Variants in COX10 observed in about 807,000 individuals in gnomAD.
COX10 encodes the protein protoheme IX farnesyltransferase, mitochondrial.
Under a neutral mutation model 37.3 loss-of-function variants are expected in COX10, and 27 were observed. That is an observed-to-expected ratio of 0.72 (90% CI 0.53 to 1.00). COX10 has a LOEUF of 1.00. Ranked by LOEUF, COX10 falls within the 50% of genes least tolerant of loss-of-function variation. The pLI, the probability that COX10 is intolerant of heterozygous loss-of-function variation, is 0.00. For synonymous variants in COX10, 222 were observed against 229.1 expected, an observed-to-expected ratio of 0.97 and a Z score of 0.28; for missense variants, 475 against 563.2, an observed-to-expected ratio of 0.84 and a Z score of 1.59.
chr17:14,083,585 T>G (rs1915346759), intron 3 of COX10, among the ~76,000 whole-genome samples: 1 of 152,228 alleles, frequency 6.6e-6, no homozygotes, highest in Non-Finnish European at 1.5e-5. Context: ...CATACTTATA[T>G]TTCATCTGTG....
chr17:14,175,977 A>G (rs1905675921), intron 5 of COX10, among the ~76,000 whole-genome samples: 1 of 152,170 alleles, frequency 6.6e-6, no homozygotes, highest in African/African-American at 2.4e-5. Flanking sequence ...GCAGTGGGAG[A>G]AGCCAGAAAT....
chr17:14,135,631 G>A (rs1185319301), intron 4 of COX10, among the ~76,000 whole-genome samples: 3 of 151,924 alleles, frequency 2.0e-5, no homozygotes, highest in Non-Finnish European at 4.4e-5. Flanking sequence ...AAGCAATAGA[G>A]TGTTGATTTT....
At chr17:14,188,541 T>C (rs1906108944) in intron 5 of COX10, among the ~76,000 whole-genome samples, 1 of 151,784 alleles carries the variant, frequency 6.6e-6, no homozygotes, top group Non-Finnish European at 1.5e-5. Context: ...TAAGCAGTGA[T>C]ACCAGCCATT....
intron 4 of COX10, among the ~76,000 whole-genome samples, chr17:14,106,383 T>G (rs1276505675): frequency 6.6e-6 from 1 of 152,218 alleles, no homozygotes; most frequent in Non-Finnish European, 1.5e-5. Flanking sequence ...TTCTCCTTAT[T>G]CGACATTTTA....
chr17:14,141,757 C>G (rs1296772865), intron 4 of COX10, among the ~76,000 whole-genome samples: 3 of 151,792 alleles, frequency 2.0e-5, no homozygotes, highest in African/African-American at 4.8e-5. Flanking sequence ...GTCCATTTAC[C>G]TTTTCATTTG....
At chr17:14,116,845 A>G (rs2142209905) in intron 4 of COX10, among the ~76,000 whole-genome samples, 1 of 152,256 alleles carries the variant, frequency 6.6e-6, no homozygotes, top group Admixed American at 6.5e-5. Flanking sequence ...TCAACACAAC[A>G]TCCAGAGCGA....
intron 4 of COX10, among the ~76,000 whole-genome samples, chr17:14,109,541 G>T (rs1166204078): frequency 6.6e-6 from 1 of 152,146 alleles, no homozygotes. Context: ...ACTCTGTGAG[G>T]TGGCATTATT....
chr17:14,079,333 A>G lies in COX10; in HGVS notation c.499+2277A>G, dbSNP rs559217093. 1.2e-4 allele frequency among the ~76,000 whole-genome samples: 18 copies of G among 152,330 alleles called. No homozygotes were observed. In the South Asian group the frequency reaches 2.9e-3, roughly 25 times the overall value. ...CTGTGGAGGGACTTGAAGTGAATGA[A>G]TATTTACTCGGCAGGGAAGATGAGA... On this transcript the variant is annotated intron_variant, in intron 3 of 6. Coordinates refer to ENST00000261643, the MANE Select transcript of COX10 (RefSeq NM_001303.4).
chr17:14,154,161 T>G (rs1413390073), intron 4 of COX10, among the ~76,000 whole-genome samples: 1 of 152,204 alleles, frequency 6.6e-6, no homozygotes, highest in South Asian at 2.1e-4. Flanking sequence ...AAACATGACA[T>G]AACATTTTGG....
At chr17:14,137,372 G>A (rs978773878) in intron 4 of COX10, among the ~76,000 whole-genome samples, 5 of 151,676 alleles carry the variant, frequency 3.3e-5, no homozygotes, top group Admixed American at 2.6e-4. Context: ...ATTTCCAGAT[G>A]ATATTTAATG....
chr17:14,208,433 G>A lies in COX10; in HGVS notation c.*1220G>A, dbSNP rs1004171830. 6.6e-6 allele frequency: 1 copy of A among 152,200 alleles called. No individual in the cohort carries two copies. The highest frequency in any genetic ancestry group is 1.5e-5 in the Non-Finnish European group (1 of 68,040). The allele number at this position is 152,200 out of a possible 1,614,324, so 9.4% of individuals were successfully genotyped here. ...GGTCCGTAGGGATTCATTGGTCGGGGTGGGAGAGTTAAACAACATTTAAAC... is the reference window on the plus strand; with the variant it reads ...GGTCCGTAGGGATTCATTGGTCGGGATGGGAGAGTTAAACAACATTTAAAC... On this transcript the variant is annotated 3_prime_UTR_variant, in exon 7 of 7. Coordinates refer to ENST00000261643, the MANE Select transcript of COX10 (RefSeq NM_001303.4).
At chr17:14,175,412 A>G (rs1905652943) in intron 5 of COX10, among the ~76,000 whole-genome samples, 2 of 151,784 alleles carry the variant, frequency 1.3e-5, no homozygotes, top group South Asian at 4.2e-4. Flanking sequence ...TGACCATATT[A>G]CTAAACTTCT....
At position 14,158,600 on chromosome 17, in the gene COX10, A is replaced by G. The variant is rs545174083; in HGVS notation, c.625-1277A>G. 1.0e-3 allele frequency among the ~76,000 whole-genome samples: 154 copies of G among 152,248 alleles called. 3 individuals carry two copies. Among genetic ancestry groups the G allele is most frequent in the Non-Finnish European group, 5.1e-4 (35 of 68,030 alleles). ...GAAATGATCCCTGCCACTCAAATCT[A>G]GTCAGACCAGGAATTTCTGAAATCT... On this transcript the variant is annotated intron_variant, in intron 4 of 6. Coordinates refer to ENST00000261643, the MANE Select transcript of COX10 (RefSeq NM_001303.4).
At chr17:14,143,952 G>T (rs1319439017) in intron 4 of COX10, among the ~76,000 whole-genome samples, 2 of 152,288 alleles carry the variant, frequency 1.3e-5, no homozygotes, top group East Asian at 3.9e-4. Flanking sequence ...CAGATACTGT[G>T]TCACTGTAGG....
intron 1 of COX10, among the ~76,000 whole-genome samples, chr17:14,071,343 G>T (rs1201492753): frequency 1.3e-5 from 2 of 152,128 alleles, no homozygotes; most frequent in East Asian, 3.9e-4. Flanking sequence ...TGCAGTGGTG[G>T]TATGGAAGGA....
At chr17:14,128,067 C>G (rs190415115) in intron 4 of COX10, among the ~76,000 whole-genome samples, 33 of 150,992 alleles carry the variant, frequency 2.2e-4, no homozygotes, top group African/African-American at 7.3e-4. Flanking sequence ...TTTTTTAAGT[C>G]TAGACGTTTT....
At chr17:14,151,199 A>C (rs1356386716) in intron 4 of COX10, among the ~76,000 whole-genome samples, 1 of 152,214 alleles carries the variant, frequency 6.6e-6, no homozygotes, top group Non-Finnish European at 1.5e-5. Context: ...AAACCAATGC[A>C]GTAAGCCTAA....
chr17:14,206,847 G>C lies in COX10; in HGVS notation c.966G>C (p.Gln322His). 6.2e-7 allele frequency: 1 copy of C among 1,614,192 alleles called. No individual in the cohort carries two copies. The highest frequency in any genetic ancestry group is 8.5e-7 in the Non-Finnish European group (1 of 1,180,034). Reference sequence around the variant, plus strand: ...TGGGAGGAATCCTCTACTCCTGGCAGTTTCCTCATTTCAACGCCCTGAGCT... The same window carrying C: ...TGGGAGGAATCCTCTACTCCTGGCACTTTCCTCATTTCAACGCCCTGAGCT... ...FLLGGILYSW[Q>H]FPHFNALSWG... Residue 322 changes from glutamine (Q) to histidine (H), a missense_variant, in exon 7 of 7, where the codon CAG (glutamine) becomes CAC (histidine). Physicochemically the swap from Gln to His is conservative, Grantham distance 24. This residue lies in a region of COX10 where 160 missense variants were observed against 180.6 expected (regional missense o/e 0.89). Coordinates refer to ENST00000261643, the MANE Select transcript of COX10 (RefSeq NM_001303.4).
At chr17:14,095,865 C>G (rs1024969836) in intron 3 of COX10, among the ~76,000 whole-genome samples, 1 of 152,180 alleles carries the variant, frequency 6.6e-6, no homozygotes, top group Admixed American at 6.6e-5. Context: ...AAGTACATGG[C>G]CCTCATAAGC....
Sources: allele counts gnomAD v4.1 joint callset (sites outside exome capture counted in the v4.1 genomes callset), GRCh38; gene constraint gnomAD v4.1.1; regional missense constraint gnomAD v4.1.1; transcripts MANE v1.5; gene names NCBI Gene and HGNC (gene_info 2026-07-23, HGNC 2026-07-21).